The following EFHD1 variants were observed in gnomAD, a reference collection of about 807,000 sequenced individuals.
EFHD1 encodes the protein EF-hand domain-containing protein D1.
EFHD1 carries 10 observed loss-of-function variants against 17.2 expected under a neutral mutation model. That is an observed-to-expected ratio of 0.58 (90% confidence interval 0.36 to 0.99). EFHD1 has a LOEUF of 0.99. EFHD1 is among the 50% of genes least tolerant of loss of function. The probability of loss-of-function intolerance (pLI) is 0.01; values close to 1 mark genes in which losing one functional copy is unlikely to be tolerated. For missense variants in EFHD1, 310 were observed against 327.5 expected (o/e 0.95, Z 0.41); for synonymous variants, 153 against 142.0 (o/e 1.08, Z -0.55).
At chr2:232,631,785 T>C (rs1428152938), upstream of EFHD1, among the ~76,000 whole-genome samples, 3 of 150,840 alleles carry the variant, frequency 2.0e-5, no homozygotes, top group African/African-American at 7.3e-5. Context: ...GAGGATCGTC[T>C]GAGGCTAGGA....
At chr2:232,618,025 T>A (rs1436361171) in intron 1 of EFHD1, among the ~76,000 whole-genome samples, 4 of 151,924 alleles carry the variant, frequency 2.6e-5, no homozygotes, top group African/African-American at 4.8e-5. Flanking sequence ...TAATTTAATT[T>A]ATTTATTTAT....
chr2:232,631,516 G>A (rs1237773723), upstream of EFHD1, among the ~76,000 whole-genome samples: 1 of 150,768 alleles, frequency 6.6e-6, no homozygotes, highest in Non-Finnish European at 1.5e-5. Flanking sequence ...TTGCCATGTT[G>A]CCCAAGCTGG....
chr2:232,617,183 A>C (rs1486128971), intron 1 of EFHD1, among the ~76,000 whole-genome samples: 1 of 152,196 alleles, frequency 6.6e-6, no homozygotes, highest in Non-Finnish European at 1.5e-5. Flanking sequence ...CAGGGTTCCA[A>C]AACAAGTGTC....
chr2:232,675,841 GA>G (rs1023617139), intron 3 of EFHD1, among the ~76,000 whole-genome samples: 4 of 152,106 alleles, frequency 2.6e-5, no homozygotes, highest in African/African-American at 9.7e-5. Flanking sequence ...TAAGTGCCAT[GA>G]GGTTTGTAAG....
At chr2:232,663,270 A>G (rs1185332096) in intron 2 of EFHD1, among the ~76,000 whole-genome samples, 1 of 151,880 alleles carries the variant, frequency 6.6e-6, no homozygotes, top group Non-Finnish European at 1.5e-5. Flanking sequence ...TATATATTAA[A>G]GCTTTTCATT....
chr2:232,657,006 C>T (rs376251039), intron 1 of EFHD1, among the ~76,000 whole-genome samples: 35 of 152,294 alleles, frequency 2.3e-4, no homozygotes, highest in African/African-American at 8.2e-4. Flanking sequence ...TCTGAAACTC[C>T]TAGGCTCAAG....
At chr2:232,680,144 G>A (rs896525767) in intron 3 of EFHD1, among the ~76,000 whole-genome samples, 2 of 151,974 alleles carry the variant, frequency 1.3e-5, no homozygotes, top group East Asian at 3.9e-4. Flanking sequence ...GTGTGATGAC[G>A]TGTGCCTGTA....
At chr2:232,647,059 G>A (rs746165622) in intron 1 of EFHD1, among the ~76,000 whole-genome samples, 24 of 152,240 alleles carry the variant, frequency 1.6e-4, no homozygotes, top group Admixed American at 4.6e-4. Flanking sequence ...GACCCACACG[G>A]GCACACACCT....
intron 1 of EFHD1, among the ~76,000 whole-genome samples, chr2:232,638,892 G>T (rs1419175683): frequency 6.6e-6 from 1 of 152,182 alleles, no homozygotes; most frequent in Non-Finnish European, 1.5e-5. Context: ...GGGGGGTAGG[G>T]TAAGAGGACC....
At chr2:232,615,873 G>A (rs1291378667) in intron 1 of EFHD1, among the ~76,000 whole-genome samples, 1 of 152,024 alleles carries the variant, frequency 6.6e-6, no homozygotes. Flanking sequence ...TTTTAGTAGA[G>A]ATGGGGTTTC....
intron 1 of EFHD1, chr2:232,606,496 T>G: frequency 2.2e-6 from 1 of 452,212 alleles, no homozygotes; most frequent in Non-Finnish European, 4.1e-6. Flanking sequence ...TTTCTTTTTT[T>G]ACTCACCGCC....
intron 1 of EFHD1, among the ~76,000 whole-genome samples, chr2:232,647,256 G>A (rs1238827115): frequency 6.6e-6 from 1 of 152,248 alleles, no homozygotes; most frequent in Non-Finnish European, 1.5e-5. Flanking sequence ...AAAAGGTCCT[G>A]CTGGCAGCAG....
intron 1 of EFHD1, among the ~76,000 whole-genome samples, chr2:232,619,187 A>G (rs950659353): frequency 7.7e-6 from 1 of 129,556 alleles, no homozygotes; most frequent in Non-Finnish European, 1.8e-5. Context: ...AAATAAATAA[A>G]TAAACAAACA....
intron 1 of EFHD1, chr2:232,638,370 A>C (rs1694357617): frequency 2.1e-6 from 1 of 471,086 alleles, no homozygotes; most frequent in African/African-American, 2.0e-5. Flanking sequence ...TGGGAAGAGG[A>C]ACATTTGGCT....
intron 1 of EFHD1, among the ~76,000 whole-genome samples, chr2:232,610,276 C>T (rs73995810): frequency 0.055 from 8,393 of 152,236 alleles, 685 homozygotes; most frequent in African/African-American, 0.18. Context: ...CCTCTGGGGA[C>T]GGAAAGCCCT....
intron 1 of EFHD1, among the ~76,000 whole-genome samples, chr2:232,656,545 C>T (rs1048777934): frequency 6.6e-6 from 1 of 151,936 alleles, no homozygotes; most frequent in Non-Finnish European, 1.5e-5. Flanking sequence ...AAATGATCCC[C>T]CTGCCTCAGC....
chr2:232,673,313 GTGC>G (rs1695113243), intron 3 of EFHD1, among the ~76,000 whole-genome samples: 1 of 152,172 alleles, frequency 6.6e-6, no homozygotes. Context: ...TTTGGGAGAG[GTGC>G]TAGGGTTGAG....
At chr2:232,658,567 G>A (rs1006599589) in intron 1 of EFHD1, among the ~76,000 whole-genome samples, 8 of 152,186 alleles carry the variant, frequency 5.3e-5, no homozygotes, top group African/African-American at 1.2e-4. Context: ...GTATATGAAC[G>A]TTCAAAGCAA....
At chr2:232,615,033 G>T (rs1693896167) in intron 1 of EFHD1, among the ~76,000 whole-genome samples, 1 of 152,094 alleles carries the variant, frequency 6.6e-6, no homozygotes, top group Non-Finnish European at 1.5e-5. Context: ...TTGATACCCA[G>T]GCTGGAGTTG....
Sources: allele counts gnomAD v4.1 joint callset (sites outside exome capture counted in the v4.1 genomes callset), GRCh38; gene constraint gnomAD v4.1.1; transcripts MANE v1.5; gene names NCBI Gene and HGNC (gene_info 2026-07-23, HGNC 2026-07-21).